Variants in DNASE1L3 observed in about 807,000 individuals in gnomAD.
DNASE1L3 encodes the protein deoxyribonuclease gamma.
DNASE1L3 carries 27 observed loss-of-function variants against 30.9 expected under a neutral mutation model. The observed-to-expected ratio is 0.87, with a 90% confidence interval of 0.64 to 1.20. The LOEUF is 1.20. DNASE1L3 is among the 50% of genes most tolerant of loss of function. DNASE1L3 has a pLI of 0.00. For synonymous variants in DNASE1L3, 135 were observed against 138.0 expected (o/e 0.98, Z 0.15); for missense variants, 364 against 378.2 (o/e 0.96, Z 0.31).
At chr3:58,193,714 A>C (rs1044556968) in intron 6 of DNASE1L3, among the ~76,000 whole-genome samples, 4 of 152,200 alleles carry the variant, frequency 2.6e-5, no homozygotes, top group Non-Finnish European at 5.9e-5. Context: ...TATATGACAC[A>C]CGCACACTAT....
At chr3:58,204,922 CT>C in intron 3 of DNASE1L3, 41 bp from the exon 4 acceptor site, 1 of 1,577,752 alleles carries the variant, frequency 6.3e-7, no homozygotes, top group Non-Finnish European at 8.7e-7. Context: ...TGAGTCAGCC[CT>C]TTTCTTACTA....
chr3:58,193,882 G>A (rs947732662), intron 6 of DNASE1L3, among the ~76,000 whole-genome samples: 8 of 152,140 alleles, frequency 5.3e-5, no homozygotes, highest in Non-Finnish European at 1.0e-4. Flanking sequence ...TGCCATCTCC[G>A]AGCATTCTGC....
At position 58,192,590 on chromosome 3, in the gene DNASE1L3, G is replaced by T; in HGVS notation, c.*97C>A. 1 of 1,269,210 alleles carries T rather than the reference G, an allele frequency of 7.9e-7. No individual in the cohort carries two copies. Among genetic ancestry groups the T allele is most frequent in the Non-Finnish European group, 1.1e-6 (1 of 917,638 alleles). 78.6% of individuals were successfully genotyped at this position (1,269,210 alleles called of 1,614,324 possible). A position where few individuals can be genotyped will look rare whatever the true frequency, so the allele number is the denominator to read the frequency against. On this transcript the variant is annotated 3_prime_UTR_variant, in exon 8 of 8. Coordinates refer to ENST00000394549, the MANE Select transcript of DNASE1L3 (RefSeq NM_004944.4). The surrounding 1 kb of genome is among the most constrained non-coding windows in gnomAD (Gnocchi z 4.8). ...TCAGGTCAAAAAATGAAAGCAGTTG[G>T]ATCACTCTTGTTTCCTAAGTACAGG...
chr3:58,204,118 G>T (rs1343604128), intron 4 of DNASE1L3, among the ~76,000 whole-genome samples: 1 of 150,812 alleles, frequency 6.6e-6, no homozygotes, highest in Non-Finnish European at 1.5e-5. Context: ...TAGGCTAGGG[G>T]TTCACCTAAG....
chr3:58,197,796 A>C lies in DNASE1L3; in HGVS notation c.704+25T>G, dbSNP rs1469748720. The C allele has an allele frequency of 3.7e-6, 6 of 1,612,856 alleles. No individual in the cohort carries two copies. Among genetic ancestry groups the C allele is most frequent in the Non-Finnish European group, 4.2e-6 (5 of 1,179,932 alleles). ...TGCACACCAAGCACTGTGGTGAGCC[A>C]GCAGCACCCTGCAGGGCCTCCTACC... is the stretch of plus-strand genomic sequence containing the variant. On this transcript the variant is annotated intron_variant, in intron 6 of 7. Transcript: ENST00000394549. The surrounding 1 kb of genome is among the most constrained non-coding windows in gnomAD (Gnocchi z 5.3).
intron 1 of DNASE1L3, 147 bp downstream of exon 1, chr3:58,210,619 C>G (rs2097407122): frequency 8.0e-7 from 1 of 1,243,028 alleles, no homozygotes; most frequent in East Asian, 2.4e-5. Context: ...GCAGGAGGTA[C>G]AGAGAGTTGA....
chr3:58,207,456 A>C (rs28709490), intron 2 of DNASE1L3, among the ~76,000 whole-genome samples: 3,807 of 38,220 alleles, frequency 0.1, 151 homozygotes, highest in East Asian at 0.35. Flanking sequence ...CCCCCCCCCC[A>C]CCAGAAGTAA....
chr3:58,208,877 G>A (rs1478126712), intron 1 of DNASE1L3, among the ~76,000 whole-genome samples: 1 of 152,130 alleles, frequency 6.6e-6, no homozygotes, highest in Non-Finnish European at 1.5e-5. Flanking sequence ...ATACAGCCAG[G>A]ATAGGTGGTA....
chr3:58,205,020 G>A (rs948596900), intron 3 of DNASE1L3, 139 bp from the exon 4 acceptor site: 6 of 742,438 alleles, frequency 8.1e-6, no homozygotes, highest in South Asian at 3.7e-5. Context: ...TGAGAACAAG[G>A]CTAAGTCAAC....
At chr3:58,193,116 G>C in intron 7 of DNASE1L3, 2 of 1,360,000 alleles carry the variant, frequency 1.5e-6, no homozygotes, top group South Asian at 3.7e-5. Flanking sequence ...TCACTCTGTT[G>C]CCCAGCCTGG....
intron 7 of DNASE1L3, chr3:58,193,024 T>C (rs997125389): frequency 2.6e-5 from 37 of 1,429,546 alleles, no homozygotes; most frequent in Non-Finnish European, 3.0e-5. Flanking sequence ...CAAGGTCTAG[T>C]GCCCAATGTT....
chr3:58,205,115 T>C (rs2097403069), intron 3 of DNASE1L3, among the ~76,000 whole-genome samples: 1 of 152,198 alleles, frequency 6.6e-6, no homozygotes, highest in Non-Finnish European at 1.5e-5. Context: ...CAAAAGTTAA[T>C]GTTCAGACTT....
chr3:58,208,076 G>C, intron 2 of DNASE1L3, 142 bp downstream of exon 2: 1 of 698,828 alleles, frequency 1.4e-6, no homozygotes, highest in Non-Finnish European at 2.4e-6. Context: ...CCGTGGCTAA[G>C]GGAGCTGGAC....
In DNASE1L3 at chr3:58,192,437, C is replaced by A. The variant is rs1287478833; in HGVS notation, c.*250G>T. Reference sequence around the variant, plus strand: ...AGTGACAGTGGATGGGGCTCTGGCTCAGGGCATGAAGATCATCATTTTGGT... The same window carrying A: ...AGTGACAGTGGATGGGGCTCTGGCTAAGGGCATGAAGATCATCATTTTGGT... On this transcript the variant is annotated 3_prime_UTR_variant, in exon 8 of 8. Coordinates refer to ENST00000394549, the MANE Select transcript of DNASE1L3 (RefSeq NM_004944.4). The surrounding 1 kb of genome is among the most constrained non-coding windows in gnomAD (Gnocchi z 4.8). The A allele has an allele frequency of 9.8e-6, 3 of 307,302 alleles. No homozygotes were observed. The East Asian group carries it at 2.2e-4, about 23-fold the overall frequency. 19.0% of individuals were successfully genotyped at this position (307,302 alleles called of 1,614,324 possible).
chr3:58,201,698 T>G (rs1206046087), intron 4 of DNASE1L3, among the ~76,000 whole-genome samples: 2 of 152,236 alleles, frequency 1.3e-5, no homozygotes, highest in African/African-American at 4.8e-5. Flanking sequence ...AAGAAAGGTT[T>G]AAATTATTAG....
chr3:58,204,201 T>C (rs1261597208), intron 4 of DNASE1L3, among the ~76,000 whole-genome samples: 4 of 149,838 alleles, frequency 2.7e-5, no homozygotes, highest in African/African-American at 9.9e-5. Context: ...AGTGCAGTGG[T>C]ACGATCTCGG....
At chr3:58,204,689 A>T in intron 4 of DNASE1L3, 80 bp downstream of exon 4, 3 of 1,193,364 alleles carry the variant, frequency 2.5e-6, no homozygotes, top group Non-Finnish European at 2.4e-6. Flanking sequence ...ATGCCTCCTT[A>T]ATGGGCTCAT....
intron 2 of DNASE1L3, among the ~76,000 whole-genome samples, chr3:58,206,832 T>G (rs986000201): frequency 6.6e-6 from 1 of 152,128 alleles, no homozygotes; most frequent in Non-Finnish European, 1.5e-5. Context: ...AGTTCAAAGG[T>G]AGGCTTGGCC....
chr3:58,193,218 AGGCAT>A (rs1375799242), intron 7 of DNASE1L3, 120 bp downstream of exon 7: 7 of 1,431,394 alleles, frequency 4.9e-6, no homozygotes, highest in African/African-American at 2.8e-5. Flanking sequence ...CTGGGACCAT[AGGCAT>A]GCATCACCAT....
Sources: allele counts gnomAD v4.1 joint callset (sites outside exome capture counted in the v4.1 genomes callset), GRCh38; gene constraint gnomAD v4.1.1; non-coding constraint Gnocchi (gnomAD v3.1); transcripts MANE v1.5; gene names NCBI Gene and HGNC (gene_info 2026-07-23, HGNC 2026-07-21).